The following UGT2B11 variants were observed in gnomAD, a reference collection of about 807,000 sequenced individuals.
UGT2B11 encodes the protein UDP glucuronosyltransferase family 2 member B11, also known as UDP-glucuronosyltransferase 2B11.
UGT2B11 carries 49 observed loss-of-function variants against 51.7 expected under a neutral mutation model. That is an observed-to-expected ratio of 0.95 (90% CI 0.75 to 1.20). The LOEUF (loss-of-function observed/expected upper bound fraction) is 1.20. Among genes scored for constraint, UGT2B11 ranks in the 50% most tolerant of loss-of-function variants. The pLI, the probability that UGT2B11 is intolerant of heterozygous loss-of-function variation, is 0.00. For synonymous variants in UGT2B11, 273 were observed against 209.0 expected (o/e 1.31, Z -2.64); for missense variants, 810 against 622.1 (o/e 1.30, Z -3.21).
Position 69,200,378 on chromosome 4 carries a change from T to G in UGT2B11, c.*62A>C. 1.4e-6 allele frequency: 2 copies of G among 1,429,648 alleles called. No individual in the cohort carries two copies. Among genetic ancestry groups the G allele is most frequent in the South Asian group, 3.6e-5 (2 of 56,004 alleles). 88.6% of individuals were successfully genotyped at this position (1,429,648 alleles called of 1,614,324 possible). A position where few individuals can be genotyped will look rare whatever the true frequency, so the allele number is the denominator to read the frequency against. On this transcript the variant is annotated 3_prime_UTR_variant, in exon 6 of 6. Transcript: ENST00000446444. ...TCTTGCATAACAATCTTTTCTTTCT[T>G]GCTGGAATAAACTGAAGTTGTCCTA...
rs568294541 is a variant in UGT2B11 at position 69,214,216 on chromosome 4, C to A, written c.507G>T (p.Val169=). 6 of 1,613,214 alleles carry A rather than the reference C, an allele frequency of 3.7e-6. No individual in the cohort carries two copies. Among genetic ancestry groups the A allele is most frequent in the South Asian group, 2.2e-5 (2 of 91,056 alleles). ...LLAALLNIRF[V]YSLRFTPGYT... Reference sequence around the variant, plus strand: ...AGCCAGGAGTAAAGCGGAGACTGTACACAAACCGTATGTTAAGTAGCGCAG... The same window carrying A: ...AGCCAGGAGTAAAGCGGAGACTGTAAACAAACCGTATGTTAAGTAGCGCAG... The change falls in exon 1 of 6, where the codon GTG becomes GTT. Residue 169 remains valine, a synonymous_variant. Coordinates refer to ENST00000446444, the MANE Select transcript of UGT2B11 (RefSeq NM_001073.3).
In UGT2B11 at chr4:69,204,250, A is replaced by T. The variant is rs573070161; in HGVS notation, c.1310+180T>A. 1.4e-5 allele frequency: 14 copies of T among 982,982 alleles called. 1 individual carries two copies. In the South Asian group the frequency reaches 2.9e-4, roughly 21 times the overall value. 60.9% of individuals were successfully genotyped at this position (982,982 alleles called of 1,614,324 possible). A position where few individuals can be genotyped will look rare whatever the true frequency, so the allele number is the denominator to read the frequency against. On this transcript the variant is annotated intron_variant, in intron 5 of 5. Coordinates refer to ENST00000446444, the MANE Select transcript of UGT2B11 (RefSeq NM_001073.3). ...CACTAACTGGTTACTCATTAGATGT[A>T]TGGGATTCAAACACAATTTTTAAAT...
chr4:69,219,425 T>C (rs1018005318), upstream of UGT2B11, among the ~76,000 whole-genome samples: 4 of 152,280 alleles, frequency 2.6e-5, no homozygotes, highest in Non-Finnish European at 4.4e-5. Context: ...GTTACTTTTG[T>C]TGCACAGGGG....
At chr4:69,219,365 T>G (rs1291088154), upstream of UGT2B11, among the ~76,000 whole-genome samples, 1 of 152,188 alleles carries the variant, frequency 6.6e-6, no homozygotes, top group East Asian at 1.9e-4. Context: ...GATGCATAGT[T>G]TACAATTATA....
At chr4:69,214,883 A>G, upstream of UGT2B11, 3 of 1,101,370 alleles carry the variant, frequency 2.7e-6, no homozygotes, top group Non-Finnish European at 2.5e-6. Context: ...ACAAAGTTCG[A>G]TTACTTCATA....
chr4:69,214,296 A>G lies in UGT2B11; in HGVS notation c.427T>C (p.Ser143Pro), dbSNP rs534334234. The G allele has an allele frequency of 6.4e-5, 103 of 1,613,062 alleles. No homozygotes were observed. In the Admixed American group the frequency reaches 1.6e-3, roughly 25 times the overall value. The change falls in exon 1 of 6, where the codon TCA becomes CCA. Residue 143 changes from serine (S) to proline (P), a missense_variant. Transcript: ENST00000446444. ...NKKVMKKLQE[S>P]RFDIVFADAV... is the part of the protein sequence containing the mutation. ...TCTGCAAAAACGATGTCAAATCTTGACTCTTGTAGTTTTTTCATAACTTTC... is the reference window on the plus strand; with the variant it reads ...TCTGCAAAAACGATGTCAAATCTTGGCTCTTGTAGTTTTTTCATAACTTTC...
intron 2 of UGT2B11, among the ~76,000 whole-genome samples, chr4:69,208,928 G>A (rs1044992243): frequency 6.6e-6 from 1 of 151,644 alleles, no homozygotes; most frequent in Non-Finnish European, 1.5e-5. Context: ...TTAGTTTGAA[G>A]CCATTAGTGG....
At chr4:69,204,672 A>G in intron 4 of UGT2B11, 23 bp from the exon 5 acceptor site, 1 of 1,610,476 alleles carries the variant, frequency 6.2e-7, no homozygotes, top group Non-Finnish European at 8.5e-7. Context: ...GAATTTTAGC[A>G]AAATTATTCA....
intron 4 of UGT2B11, 32 bp from the exon 5 acceptor site, chr4:69,204,681 C>A (rs749025457): frequency 9.9e-6 from 16 of 1,609,800 alleles, no homozygotes; most frequent in Admixed American, 1.7e-5. Flanking sequence ...CAAAATTATT[C>A]ATAGGAATAA....
the UGT2B11 span, among the ~76,000 whole-genome samples, chr4:69,223,230 G>T: frequency 2.3e-3 from 353 of 152,252 alleles, 3 homozygotes; most frequent in African/African-American, 8.2e-3. Context: ...AGGTTTCAGG[G>T]TTGAATTTGT....
chr4:69,215,974 G>A (rs1398008019), upstream of UGT2B11: 2 of 151,966 alleles, frequency 1.3e-5, no homozygotes, highest in Non-Finnish European at 2.9e-5. Flanking sequence ...AAGTCAAAAT[G>A]AAGAAAATGC....
In UGT2B11 at chr4:69,214,012, A is replaced by G. The variant is rs780651585; in HGVS notation, c.711T>C (p.Ser237=). 8 of 1,562,558 alleles carry G rather than the reference A, an allele frequency of 5.1e-6. No individual in the cohort carries two copies. Among genetic ancestry groups the G allele is most frequent in the Non-Finnish European group, 6.9e-6 (8 of 1,158,214 alleles). Residue 237 remains serine, a synonymous_variant, in exon 1 of 6, where the codon AGT becomes AGC. Coordinates refer to ENST00000446444, the MANE Select transcript of UGT2B11 (RefSeq NM_001073.3). ...SDMKKWDQFY[S]EVLGRPTTLF... is the part of the protein sequence containing the mutation. ...TAAACAAATTCTTACCTAAAACTTC[A>G]CTGTAAAACTGATCCCACTTCTTCA...
In UGT2B11 at chr4:69,214,218, C is replaced by A. The variant is rs1295759224; in HGVS notation, c.505G>T (p.Val169Leu). The A allele has an allele frequency of 6.2e-7, 1 of 1,613,270 alleles. No individual in the cohort carries two copies. Among genetic ancestry groups the A allele is most frequent in the Non-Finnish European group, 8.5e-7 (1 of 1,179,488 alleles). The change falls in exon 1 of 6, where the codon GTG becomes TTG. Residue 169 changes from valine (V) to leucine (L), a missense_variant. Val to Leu is a conservative substitution (Grantham distance 32). Transcript: ENST00000446444. ...CCAGGAGTAAAGCGGAGACTGTACA[C>A]AAACCGTATGTTAAGTAGCGCAGCC... ...LLAALLNIRF[V>L]YSLRFTPGYT...
At chr4:69,222,884 G>A in the UGT2B11 span, among the ~76,000 whole-genome samples, 18 of 152,124 alleles carry the variant, frequency 1.2e-4, no homozygotes, top group Non-Finnish European at 2.5e-4. Context: ...TTCTCTTTCC[G>A]ATGCACCTTT....
intron 3 of UGT2B11, among the ~76,000 whole-genome samples, chr4:69,206,022 G>A (rs1721842717): frequency 6.6e-6 from 1 of 151,538 alleles, no homozygotes; most frequent in Admixed American, 6.6e-5. Context: ...ATACTCTGTT[G>A]GTTGGAATGT....
intron 3 of UGT2B11, among the ~76,000 whole-genome samples, chr4:69,206,188 A>C (rs1721849567): frequency 6.6e-6 from 1 of 151,556 alleles, no homozygotes; most frequent in African/African-American, 2.4e-5. Flanking sequence ...TGTTAGTTGC[A>C]GTACTATTCA....
chr4:69,210,441 T>C (rs566130821), intron 2 of UGT2B11, among the ~76,000 whole-genome samples: 117 of 151,768 alleles, frequency 7.7e-4, no homozygotes, highest in South Asian at 3.7e-3. Flanking sequence ...TTGAAAAGAA[T>C]GCAACCTGGG....
At position 69,212,598 on chromosome 4, in the gene UGT2B11, C is replaced by A. The variant is rs757544761; in HGVS notation, c.845G>T (p.Cys282Phe). Residue 282 changes from cysteine (C) to phenylalanine (F), a missense_variant, in exon 2 of 6, where the codon TGC becomes TTC. By Grantham distance (205) the Cys-to-Phe change is radical. Transcript: ENST00000446444. Reference sequence around the variant, plus strand: ...CTTAGGTAGGGGTTTGGCAGGTTTGCAGTGGAATCCTCCAACAAAATCAAC... The same window carrying A: ...CTTAGGTAGGGGTTTGGCAGGTTTGAAGTGGAATCCTCCAACAAAATCAAC... ...PNVDFVGGFH[C>F]KPAKPLPKEM... 3.1e-6 allele frequency: 5 copies of A among 1,608,150 alleles called. No individual in the cohort carries two copies. Among genetic ancestry groups the A allele is most frequent in the Non-Finnish European group, 4.2e-6 (5 of 1,176,734 alleles).
intron 1 of UGT2B11, among the ~76,000 whole-genome samples, chr4:69,213,288 T>A (rs1399974133): frequency 1.3e-5 from 2 of 151,752 alleles, no homozygotes; most frequent in Non-Finnish European, 3.0e-5. Context: ...TAGCTAGAAA[T>A]TTTGAGAAAT....
Sources: allele counts gnomAD v4.1 joint callset (sites outside exome capture counted in the v4.1 genomes callset), GRCh38; gene constraint gnomAD v4.1.1; transcripts MANE v1.5; gene names NCBI Gene and HGNC (gene_info 2026-07-23, HGNC 2026-07-21).